SLC1A1: variants seen among roughly 807,000 people sequenced by gnomAD.
The protein encoded by SLC1A1 is excitatory amino acid transporter 3.
In SLC1A1, 43 loss-of-function variants were observed where a neutral mutation model predicts 53.3. The observed-to-expected ratio is 0.81, with a 90% CI of 0.63 to 1.04. SLC1A1 has a LOEUF of 1.04. SLC1A1 is among the 50% of genes least tolerant of loss of function. SLC1A1 has a pLI of 0.00. For synonymous variants in SLC1A1, 307 were observed against 243.2 expected, an observed-to-expected ratio of 1.26 and a Z score of -2.44; for missense variants, 748 against 664.9, an observed-to-expected ratio of 1.12 and a Z score of -1.37.
Position 4,573,927 on chromosome 9 carries a change from T to C in SLC1A1, c.788T>C (p.Leu263Ser). ...TCCAGTTATATGCCACTAGGTATTT[T>C]GTTCCTGATTGCTGGGAAGATCATA... ...IIMCYMPLGI[L>S]FLIAGKIIEV... The change falls in exon 8 of 12, where the codon TTG becomes TCG. Residue 263 changes from leucine to serine, a missense_variant. Coordinates refer to ENST00000262352, the MANE Select transcript of SLC1A1 (RefSeq NM_004170.6). 6.2e-7 allele frequency: 1 copy of C among 1,613,140 alleles called. No individual in the cohort carries two copies. Among genetic ancestry groups the C allele is most frequent in the Non-Finnish European group, 8.5e-7 (1 of 1,179,042 alleles).
rs143570176 is a variant in SLC1A1 at position 4,522,543 on chromosome 9, T to A, written c.92-22024T>A. ...CACCTGGTGTACTCTTGATACCATC[T>A]GTATTAGCCTGTTCTGACAAGGCTA... On this transcript the variant is annotated intron_variant, in intron 1 of 11. Transcript: ENST00000262352. 1.7e-4 allele frequency among the ~76,000 whole-genome samples: 26 copies of A among 152,328 alleles called. No homozygotes were observed. The East Asian group carries it at 3.1e-3, about 18-fold the overall frequency.
intron 3 of SLC1A1, among the ~76,000 whole-genome samples, chr9:4,562,889 G>C (rs1044135329): frequency 2.0e-5 from 3 of 148,456 alleles, no homozygotes; most frequent in African/African-American, 5.0e-5. Context: ...GTGTGCATGT[G>C]TCTTTATAGC....
chr9:4,522,692 T>C (rs887871460), intron 1 of SLC1A1, among the ~76,000 whole-genome samples: 1 of 152,166 alleles, frequency 6.6e-6, no homozygotes, highest in Non-Finnish European at 1.5e-5. Flanking sequence ...AGGCACCTTC[T>C]TCACAAGGCA....
intron 1 of SLC1A1, among the ~76,000 whole-genome samples, chr9:4,508,554 G>A (rs1182190301): frequency 6.6e-6 from 1 of 152,196 alleles, no homozygotes; most frequent in African/African-American, 2.4e-5. Flanking sequence ...ATTGTCATGT[G>A]TACAGCACCA....
In SLC1A1 at chr9:4,574,022, A is replaced by C. The variant is rs12682807; in HGVS notation, c.875+8A>C. ...GGCCACAGTCCTGACTGGGTATGTC[A>C]GACTCAAGAGAAGAGACAGAAACCT... On this transcript the variant is annotated splice_region_variant and intron_variant, in intron 8 of 11. Coordinates refer to ENST00000262352, the MANE Select transcript of SLC1A1 (RefSeq NM_004170.6). The C allele has an allele frequency of 0.11, 167,857 of 1,565,798 alleles. 10,104 individuals carry two copies. The highest frequency in any genetic ancestry group is 0.2 in the East Asian group (8,881 of 44,642).
intron 10 of SLC1A1, among the ~76,000 whole-genome samples, chr9:4,578,237 C>T (rs555061301): frequency 9.9e-5 from 15 of 152,262 alleles, no homozygotes; most frequent in South Asian, 8.3e-4. Context: ...GTATTGGAAT[C>T]GCGGCTACAT....
intron 1 of SLC1A1, among the ~76,000 whole-genome samples, chr9:4,497,074 A>G (rs1232029702): frequency 6.6e-6 from 1 of 152,108 alleles, no homozygotes; most frequent in Admixed American, 6.5e-5. Flanking sequence ...GAAGCATTGT[A>G]TTCCTTTCCT....
intron 4 of SLC1A1, among the ~76,000 whole-genome samples, chr9:4,565,411 T>TAA (rs1388317320): frequency 6.6e-6 from 1 of 152,168 alleles, no homozygotes; most frequent in African/African-American, 2.4e-5. Context: ...GGAAGAGGCT[T>TAA]AATTAAGTCA....
chr9:4,564,475 A>C lies in SLC1A1; in HGVS notation c.440+17A>C. ...TCTCATCAGGTGAGTGTTTTGCCAC[A>C]AGGTGGCTTCAAGGGCATGCGGATA... On this transcript the variant is annotated intron_variant, in intron 4 of 11. Coordinates refer to ENST00000262352, the MANE Select transcript of SLC1A1 (RefSeq NM_004170.6). 1 of 1,521,458 alleles carries C rather than the reference A, an allele frequency of 6.6e-7. No homozygotes were observed. The highest frequency in any genetic ancestry group is 9.1e-7 in the Non-Finnish European group (1 of 1,098,286). The allele number at this position is 1,521,458 out of a possible 1,614,324, so 94.2% of individuals were successfully genotyped here.
chr9:4,533,229 T>C (rs1451547989), intron 1 of SLC1A1, among the ~76,000 whole-genome samples: 1 of 152,162 alleles, frequency 6.6e-6, no homozygotes, highest in Non-Finnish European at 1.5e-5. Flanking sequence ...ACCTTAAATG[T>C]AAATGGGCTA....
intron 10 of SLC1A1, among the ~76,000 whole-genome samples, chr9:4,581,021 T>C (rs367655951): frequency 6.6e-6 from 1 of 152,216 alleles, no homozygotes; most frequent in African/African-American, 2.4e-5. Flanking sequence ...CTATCCCAGA[T>C]GCCTTACGTG....
intron 1 of SLC1A1, among the ~76,000 whole-genome samples, chr9:4,510,752 C>A (rs577686831): frequency 6.6e-6 from 1 of 152,338 alleles, no homozygotes; most frequent in East Asian, 1.9e-4. Context: ...TAGCCTTAGG[C>A]TAACTCAGCC....
In SLC1A1 at chr9:4,561,651, G is replaced by A. The variant is rs1805311; in HGVS notation, c.325+110G>A. ...TCAGGCCTGTAATCTCAGAAATCTG[G>A]GAGGCTGATGTGGGCAGATCCCTTG... is the stretch of plus-strand genomic sequence containing the variant. On this transcript the variant is annotated intron_variant, in intron 3 of 11. Transcript: ENST00000262352. 0.25 allele frequency: 196,478 copies of A among 778,764 alleles called. 27,619 individuals are homozygous for A. Among genetic ancestry groups the A allele is most frequent in the East Asian group, 0.46 (18,678 of 40,480 alleles). The allele number at this position is 778,764 out of a possible 1,614,324, so 48.2% of individuals were successfully genotyped here.
rs570191562 is a variant in SLC1A1 at position 4,577,110 on chromosome 9, G to A, written c.1193+347G>A. ...AATGAATGCTGAAGACCATGATGAGGGATGTAAGAGAACTCTGTATGGTGT... is the reference window on the plus strand; with the variant it reads ...AATGAATGCTGAAGACCATGATGAGAGATGTAAGAGAACTCTGTATGGTGT... On this transcript the variant is annotated intron_variant, in intron 10 of 11. Transcript: ENST00000262352. 2.6e-5 allele frequency among the ~76,000 whole-genome samples: 4 copies of A among 152,300 alleles called. No homozygotes were observed. The East Asian group carries it at 5.8e-4, about 22-fold the overall frequency.
At chr9:4,493,944 C>G (rs543598801) in intron 1 of SLC1A1, among the ~76,000 whole-genome samples, 34 of 152,266 alleles carry the variant, frequency 2.2e-4, no homozygotes, top group Admixed American at 6.5e-4. Context: ...TTTTCATGGA[C>G]AAGGAAATGC....
At chr9:4,550,829 A>G (rs928046889) in intron 2 of SLC1A1, among the ~76,000 whole-genome samples, 6 of 152,252 alleles carry the variant, frequency 3.9e-5, no homozygotes, top group African/African-American at 1.4e-4. Context: ...GAAGGGCCCA[A>G]TAGTAAATAT....
intron 1 of SLC1A1, among the ~76,000 whole-genome samples, chr9:4,514,172 T>G (rs72687864): frequency 0.034 from 5,146 of 152,286 alleles, 144 homozygotes; most frequent in South Asian, 0.059. Flanking sequence ...AAATAGTCAA[T>G]TTTATTGTAT....
At chr9:4,516,520 G>A (rs1821166216) in intron 1 of SLC1A1, among the ~76,000 whole-genome samples, 1 of 152,112 alleles carries the variant, frequency 6.6e-6, no homozygotes, top group Non-Finnish European at 1.5e-5. Context: ...ATGGATCTGG[G>A]ATTCTTACTC....
chr9:4,568,445 G>T (rs893147018), intron 6 of SLC1A1, among the ~76,000 whole-genome samples: 4 of 151,834 alleles, frequency 2.6e-5, no homozygotes, highest in African/African-American at 9.6e-5. Context: ...ACCAGGCTGG[G>T]CATGGTGGCT....
Sources: allele counts gnomAD v4.1 joint callset (sites outside exome capture counted in the v4.1 genomes callset), GRCh38; gene constraint gnomAD v4.1.1; transcripts MANE v1.5; gene names NCBI Gene and HGNC (gene_info 2026-07-23, HGNC 2026-07-21).